ERICH3: variants seen among roughly 807,000 people sequenced by gnomAD.
ERICH3 encodes glutamate-rich protein 3.
A neutral mutation model predicts 131.1 loss-of-function variants in ERICH3; 126 were observed. That is an observed-to-expected ratio of 0.96 (90% CI 0.83 to 1.11). ERICH3 has a LOEUF of 1.11. ERICH3 is among the 50% of genes most tolerant of loss of function. The pLI, the probability that ERICH3 is intolerant of heterozygous loss-of-function variation, is 0.00. For missense variants in ERICH3, 2,050 were observed against 1,810.7 expected (o/e 1.13, Z -2.40); for synonymous variants, 695 against 644.6 (o/e 1.08, Z -1.18).
At chr1:74,632,943 A>G (rs938025129) in intron 6 of ERICH3, among the ~76,000 whole-genome samples, 1 of 151,894 alleles carries the variant, frequency 6.6e-6, no homozygotes, top group African/African-American at 2.4e-5. Flanking sequence ...GAGTCACTGA[A>G]TTTTCACAAA....
At chr1:74,612,048 T>G (rs970023975) in intron 9 of ERICH3, among the ~76,000 whole-genome samples, 1 of 152,192 alleles carries the variant, frequency 6.6e-6, no homozygotes, top group African/African-American at 2.4e-5. Context: ...AGACTCCTGA[T>G]TTCAAACAGA....
chr1:74,634,694 G>A (rs1406309400), intron 6 of ERICH3: 2 of 714,322 alleles, frequency 2.8e-6, no homozygotes, highest in Non-Finnish European at 5.2e-6. Flanking sequence ...ACCCATCCAA[G>A]TACTATCTAG....
At chr1:74,584,091 C>T (rs1647231881) in intron 12 of ERICH3, among the ~76,000 whole-genome samples, 1 of 152,136 alleles carries the variant, frequency 6.6e-6, no homozygotes. Context: ...CAGTCGATTA[C>T]CTTCCCAACA....
At chr1:74,603,365 C>T (rs1184135022) in intron 10 of ERICH3, among the ~76,000 whole-genome samples, 2 of 151,832 alleles carry the variant, frequency 1.3e-5, no homozygotes, top group Non-Finnish European at 2.9e-5. Context: ...TGTATCTAAG[C>T]CTCAATTTCC....
intron 6 of ERICH3, among the ~76,000 whole-genome samples, chr1:74,635,565 G>A (rs1275226878): frequency 6.6e-6 from 1 of 152,058 alleles, no homozygotes; most frequent in African/African-American, 2.4e-5. Flanking sequence ...TTGTACTCAT[G>A]TCGCAGGTTT....
At chr1:74,640,979 G>T (rs945856896) in intron 5 of ERICH3, among the ~76,000 whole-genome samples, 1 of 152,094 alleles carries the variant, frequency 6.6e-6, no homozygotes, top group Admixed American at 6.6e-5. Flanking sequence ...ATTTGGAATA[G>T]CTAATTTGAG....
At chr1:74,613,627 T>C (rs1648809856) in intron 8 of ERICH3, among the ~76,000 whole-genome samples, 1 of 152,236 alleles carries the variant, frequency 6.6e-6, no homozygotes, top group Non-Finnish European at 1.5e-5. Flanking sequence ...TCAATTCTGT[T>C]TGGATTTGAG....
chr1:74,673,891 C>G (rs1268615041), upstream of ERICH3, among the ~76,000 whole-genome samples: 2 of 152,178 alleles, frequency 1.3e-5, no homozygotes, highest in Non-Finnish European at 1.5e-5. Flanking sequence ...CTCTGTTGCT[C>G]TAGGGCGCGA....
chr1:74,645,383 GT>G (rs910157327), intron 3 of ERICH3, among the ~76,000 whole-genome samples: 25 of 150,858 alleles, frequency 1.7e-4, no homozygotes, highest in Admixed American at 2.0e-4. Context: ...GATAAATATT[GT>G]TTTTTTCTAT....
chr1:74,617,174 C>CA (rs5775248), intron 8 of ERICH3, among the ~76,000 whole-genome samples: 56,569 of 138,028 alleles, frequency 0.41, 12,015 homozygotes, highest in Non-Finnish European at 0.51. Context: ...AAAAAACAAA[C>CA]AAAAAAAAAA....
intron 11 of ERICH3, among the ~76,000 whole-genome samples, chr1:74,593,258 T>C (rs1647691356): frequency 6.6e-6 from 1 of 152,144 alleles, no homozygotes. Flanking sequence ...TTTCATGTCA[T>C]TGACAACTGC....
chr1:74,665,604 C>A (rs1237687300), intron 1 of ERICH3, among the ~76,000 whole-genome samples: 1 of 152,096 alleles, frequency 6.6e-6, no homozygotes, highest in Non-Finnish European at 1.5e-5. Context: ...AAGGTGTCAG[C>A]AGGGTTGGTT....
chr1:74,629,369 G>GTT (rs893113572), intron 7 of ERICH3, among the ~76,000 whole-genome samples: 1 of 149,408 alleles, frequency 6.7e-6, no homozygotes, highest in African/African-American at 2.5e-5. Context: ...AGAGAAAAAG[G>GTT]TTTTTTTTTT....
At chr1:74,630,599 G>A (rs1013149337) in intron 7 of ERICH3, among the ~76,000 whole-genome samples, 3 of 152,150 alleles carry the variant, frequency 2.0e-5, no homozygotes, top group South Asian at 2.1e-4. Flanking sequence ...CTAAGCTCCA[G>A]TAAACTGCTC....
In ERICH3 at chr1:74,569,257, G is replaced by C. The variant is rs994593061; in HGVS notation, c.*1201C>G. ...CTGAATCTCTGGGGTGGGGAAAAGG[G>C]TTGAGTCATTTATAAAAGCGTCCCA... On this transcript the variant is annotated 3_prime_UTR_variant, in exon 15 of 15. Transcript: ENST00000326665. 17 of 152,066 alleles carry C rather than the reference G, an allele frequency of 1.1e-4. No individual in the cohort carries two copies. The highest frequency in any genetic ancestry group is 3.9e-4 in the African/African-American group (16 of 41,384). The allele number at this position is 152,066 out of a possible 1,614,324, so 9.4% of individuals were successfully genotyped here.
At chr1:74,592,106 T>G (rs960179319) in intron 11 of ERICH3, 4 of 152,144 alleles carry the variant, frequency 2.6e-5, no homozygotes, top group Non-Finnish European at 5.9e-5. Context: ...ATTTGAGAGA[T>G]GCTACACAGC....
chr1:74,648,645 CTCTT>C (rs1258291446), intron 2 of ERICH3, among the ~76,000 whole-genome samples: 2 of 152,126 alleles, frequency 1.3e-5, no homozygotes, highest in African/African-American at 4.8e-5. Context: ...ATAACCACAT[CTCTT>C]TCTTTCCATG....
At chr1:74,625,987 T>C (rs1190916403) in intron 7 of ERICH3, 1 of 152,120 alleles carries the variant, frequency 6.6e-6, no homozygotes, top group African/African-American at 2.4e-5. Flanking sequence ...ATCAAAGACA[T>C]AGTATAAGAA....
At chr1:74,615,420 G>A (rs1233036162) in intron 8 of ERICH3, 1 of 152,062 alleles carries the variant, frequency 6.6e-6, no homozygotes, top group East Asian at 1.9e-4. Flanking sequence ...ATTTTAGAAT[G>A]TAAAATATTA....
Sources: allele counts gnomAD v4.1 joint callset (sites outside exome capture counted in the v4.1 genomes callset), GRCh38; gene constraint gnomAD v4.1.1; transcripts MANE v1.5; gene names NCBI Gene and HGNC (gene_info 2026-07-23, HGNC 2026-07-21).